Variants in CAPN8 observed in about 807,000 individuals in gnomAD.
CAPN8 encodes calpain 8.
In CAPN8, 87 loss-of-function variants were observed where a neutral mutation model predicts 80.9. The ratio of observed to expected loss-of-function variants is 1.07; its 90% CI spans 0.90 to 1.28. The LOEUF is 1.28. CAPN8 is among the 50% of genes most tolerant of loss of function. The probability of loss-of-function intolerance (pLI) is 0.00; values close to 1 mark genes in which losing one functional copy is unlikely to be tolerated. For synonymous variants in CAPN8, 299 were observed against 273.8 expected (o/e 1.09, Z -0.91); for missense variants, 757 against 702.0 (o/e 1.08, Z -0.89).
intron 6 of CAPN8, among the ~76,000 whole-genome samples, chr1:223,625,434 C>T (rs547555614): frequency 4.6e-5 from 7 of 152,114 alleles, no homozygotes; most frequent in Non-Finnish European, 1.0e-4. Flanking sequence ...GAAGAACCTT[C>T]TTTTATTTTT....
intron 16 of CAPN8, among the ~76,000 whole-genome samples, chr1:223,546,936 C>T (rs1295077416): frequency 2.7e-5 from 4 of 149,424 alleles, no homozygotes; most frequent in African/African-American, 7.4e-5. Context: ...TTGTTTGAGA[C>T]AGAGTCTCAC....
chr1:223,618,553 C>T (rs1657275347), intron 9 of CAPN8, among the ~76,000 whole-genome samples: 1 of 152,212 alleles, frequency 6.6e-6, no homozygotes, highest in African/African-American at 2.4e-5. Flanking sequence ...CCCGTGTTCC[C>T]CTAGCGCACC....
At chr1:223,558,620 G>C (rs1249271847) in intron 12 of CAPN8, among the ~76,000 whole-genome samples, 1 of 151,924 alleles carries the variant, frequency 6.6e-6, no homozygotes, top group Non-Finnish European at 1.5e-5. Flanking sequence ...ATGTGTGAAT[G>C]GTATGTATAT....
chr1:223,544,966 C>T, intron 17 of CAPN8, 116 bp from the exon 18 acceptor site: 4 of 1,504,822 alleles, frequency 2.7e-6, no homozygotes, highest in South Asian at 2.6e-5. Context: ...AAAGGAGACC[C>T]TATTGACTCC....
chr1:223,643,486 G>A (rs1658100441), intron 2 of CAPN8, among the ~76,000 whole-genome samples: 1 of 152,220 alleles, frequency 6.6e-6, no homozygotes, highest in South Asian at 2.1e-4. Context: ...GGTGTTGTGA[G>A]CAGAAAACGA....
At position 223,628,162 on chromosome 1, in the gene CAPN8, C is replaced by G. The variant is rs545010404; in HGVS notation, c.427-20G>C. The G allele has an allele frequency of 1.2e-5, 18 of 1,529,198 alleles. No individual in the cohort carries two copies. In the African/African-American group the frequency reaches 2.4e-4, roughly 20 times the overall value. 94.7% of individuals were successfully genotyped at this position (1,529,198 alleles called of 1,614,324 possible). A position where few individuals can be genotyped will look rare whatever the true frequency, so the allele number is the denominator to read the frequency against. On this transcript the variant is annotated intron_variant, in intron 3 of 20. Coordinates refer to ENST00000366872, the MANE Select transcript of CAPN8 (RefSeq NM_001143962.2). Reference sequence around the variant, plus strand: ...CCAGAACTGGGGAGGGGGGACACAGCGGCTGCTCACATGAATAAGCAGATG... The same window carrying G: ...CCAGAACTGGGGAGGGGGGACACAGGGGCTGCTCACATGAATAAGCAGATG...
chr1:223,632,412 T>C (rs920542038), intron 2 of CAPN8, among the ~76,000 whole-genome samples: 1 of 151,532 alleles, frequency 6.6e-6, no homozygotes, highest in African/African-American at 2.4e-5. Context: ...TCTCGCTCTG[T>C]TGCCCAGATG....
In CAPN8 at chr1:223,543,951, T is replaced by A. The variant is rs1656542940; in HGVS notation, c.2029+116A>T. 5 of 629,526 alleles carry A rather than the reference T, an allele frequency of 7.9e-6. No individual in the cohort carries two copies. In the South Asian group the frequency reaches 9.2e-5, roughly 12 times the overall value. 39.0% of individuals were successfully genotyped at this position (629,526 alleles called of 1,614,324 possible). A position where few individuals can be genotyped will look rare whatever the true frequency, so the allele number is the denominator to read the frequency against. On this transcript the variant is annotated intron_variant, in intron 19 of 20. Coordinates refer to ENST00000366872, the MANE Select transcript of CAPN8 (RefSeq NM_001143962.2). Reference sequence around the variant, plus strand: ...AGCATTCCAGAAGCCCTGTCTATCATTTTCTGGGTCCCTGGCCTCCTAAAG... The same window carrying A: ...AGCATTCCAGAAGCCCTGTCTATCAATTTCTGGGTCCCTGGCCTCCTAAAG...
intron 2 of CAPN8, among the ~76,000 whole-genome samples, chr1:223,642,074 G>A (rs950398934): frequency 1.3e-5 from 2 of 152,162 alleles, no homozygotes; most frequent in African/African-American, 4.8e-5. Flanking sequence ...ATGATGGCAA[G>A]CTACCAGTGT....
At chr1:223,622,968 ACCTGAC>A in intron 6 of CAPN8, 68 bp from the exon 7 acceptor site, 28 of 1,249,228 alleles carry the variant, frequency 2.2e-5, no homozygotes, top group Non-Finnish European at 3.0e-5. Flanking sequence ...GCATGTCTGC[ACCTGAC>A]AGGATCTGCA....
At chr1:223,631,111 G>A (rs1657761169) in intron 2 of CAPN8, among the ~76,000 whole-genome samples, 1 of 152,040 alleles carries the variant, frequency 6.6e-6, no homozygotes, top group Non-Finnish European at 1.5e-5. Context: ...ATCGAACTTG[G>A]ATATGTACAA....
In CAPN8 at chr1:223,541,698, T is replaced by G; in HGVS notation, c.*138A>C. On this transcript the variant is annotated 3_prime_UTR_variant, in exon 21 of 21. Transcript: ENST00000366872. Reference sequence around the variant, plus strand: ...TACATAGCTCATAGCTCAGTGCTGCTGAAATAGACCCAGGGCAAGAAAGGT... The same window carrying G: ...TACATAGCTCATAGCTCAGTGCTGCGGAAATAGACCCAGGGCAAGAAAGGT... 1 of 1,392,312 alleles carries G rather than the reference T, an allele frequency of 7.2e-7. No individual in the cohort carries two copies. Among genetic ancestry groups the G allele is most frequent in the Non-Finnish European group, 9.9e-7 (1 of 1,005,416 alleles). The allele number at this position is 1,392,312 out of a possible 1,614,324, so 86.2% of individuals were successfully genotyped here. A position where few individuals can be genotyped will look rare whatever the true frequency, so the allele number is the denominator to read the frequency against.
At chr1:223,543,266 C>A in intron 19 of CAPN8, 100 bp from the exon 20 acceptor site, 1 of 1,375,964 alleles carries the variant, frequency 7.3e-7, no homozygotes, top group Non-Finnish European at 9.9e-7. Context: ...ACCTGCGGAA[C>A]TCTCCTTTCC....
chr1:223,637,500 G>A (rs771159785), intron 2 of CAPN8, among the ~76,000 whole-genome samples: 5 of 152,144 alleles, frequency 3.3e-5, no homozygotes, highest in Non-Finnish European at 7.3e-5. Flanking sequence ...CATGGGACTG[G>A]GGAGTGAATG....
chr1:223,649,217 T>A (rs1280328017), intron 2 of CAPN8, among the ~76,000 whole-genome samples: 1 of 152,250 alleles, frequency 6.6e-6, no homozygotes, highest in East Asian at 1.9e-4. Flanking sequence ...TAGAGACGAT[T>A]CAAGTCCTGT....
intron 1 of CAPN8, among the ~76,000 whole-genome samples, chr1:223,659,911 T>C (rs1378564561): frequency 1.3e-5 from 2 of 152,178 alleles, no homozygotes; most frequent in Non-Finnish European, 1.5e-5. Flanking sequence ...AACCACTCTG[T>C]GGCCTGCCAG....
chr1:223,665,595 G>T lies in CAPN8; in HGVS notation c.52C>A (p.Leu18Ile). The change falls in exon 1 of 21, where the codon CTT (leucine) becomes ATT (isoleucine). Residue 18 changes from leucine to isoleucine, a missense_variant. Coordinates refer to ENST00000366872, the MANE Select transcript of CAPN8 (RefSeq NM_001143962.2). ...TTCAAAGCGTTTTGGTTGGAGCCAA[G>T]ACCTTGAGTGGCTGCCCGCTGCCTA... ...VSRQRAATQG[L>I]GSNQNALKYL... 1 of 1,551,680 alleles carries T rather than the reference G, an allele frequency of 6.4e-7. No individual in the cohort carries two copies. The highest frequency in any genetic ancestry group is 8.7e-7 in the Non-Finnish European group (1 of 1,147,000).
At chr1:223,656,668 GTTTTTTTGTTTTGTTTTT>G (rs1421524967) in intron 1 of CAPN8, among the ~76,000 whole-genome samples, 4 of 94,798 alleles carry the variant, frequency 4.2e-5, no homozygotes, top group Admixed American at 4.1e-4. Context: ...CACGTTTTGG[GTTTTTTTGTTTTGTTTTT>G]TTTTTTTTTT....
At chr1:223,643,713 C>G (rs1343581705) in intron 2 of CAPN8, among the ~76,000 whole-genome samples, 2 of 152,230 alleles carry the variant, frequency 1.3e-5, no homozygotes, top group African/African-American at 4.8e-5. Context: ...TTTCTCCAAA[C>G]AGTTTGTCCA....
Sources: gnomAD v4.1 joint callset for allele counts (sites outside exome capture counted in the v4.1 genomes callset) on GRCh38, gnomAD v4.1.1 for gene constraint, MANE v1.5 for transcripts, NCBI Gene and HGNC (gene_info 2026-07-23, HGNC 2026-07-21) for gene names.